The following RNF31 variants were observed in gnomAD, a reference collection of about 807,000 sequenced individuals.
RNF31 encodes the protein ring finger protein 31.
A neutral mutation model predicts 133.6 loss-of-function variants in RNF31; 38 were observed. The observed-to-expected ratio is 0.28, with a 90% CI of 0.22 to 0.37. The LOEUF (loss-of-function observed/expected upper bound fraction) is 0.37. RNF31 is among the 10% of genes least tolerant of loss of function. The pLI is 1.00. For synonymous variants in RNF31, 582 were observed against 552.3 expected, an observed-to-expected ratio of 1.05 and a Z score of -0.75; for missense variants, 1,118 against 1,394.1, an observed-to-expected ratio of 0.80 and a Z score of 3.15.
intron 11 of RNF31, 55 bp downstream of exon 11, chr14:24,152,047 C>G: frequency 6.6e-7 from 1 of 1,511,202 alleles, no homozygotes; most frequent in Non-Finnish European, 9.0e-7. Context: ...TTTTGGACCC[C>G]CATCCTACCC....
At position 24,151,345 on chromosome 14, in the gene RNF31, C is replaced by T. The variant is rs766172056; in HGVS notation, c.1703C>T (p.Ala568Val). 4.3e-6 allele frequency: 7 copies of T among 1,614,078 alleles called. No individual in the cohort carries two copies. Among genetic ancestry groups the T allele is most frequent in the Non-Finnish European group, 5.9e-6 (7 of 1,180,052 alleles). ...WLDRHGNLDE[A>V]VEECVRTRRR... ...GATCGTCATGGCAACCTTGATGAAG[C>T]TGTGGAGGAGTGTGTGAGGACCAGG... The change falls in exon 9 of 21, where the codon GCT (alanine) becomes GTT (valine). Residue 568 changes from alanine to valine, a missense_variant. Around this residue, in one of 3 missense-constraint regions of RNF31, gnomAD observed 747 missense variants for 827.9 expected, o/e 0.90. Transcript: ENST00000324103. This position sits in a 1 kb window ranked among gnomAD's most constrained non-coding sequence, Gnocchi z 5.3.
chr14:24,152,080 C>A, intron 11 of RNF31, 88 bp downstream of exon 11: 1 of 1,350,082 alleles, frequency 7.4e-7, no homozygotes, highest in Non-Finnish European at 1.0e-6. Context: ...CTGATCCTGT[C>A]TTCTGCTCTT....
chr14:24,150,558 A>G, intron 7 of RNF31, 40 bp from the exon 8 acceptor site: 1 of 1,588,052 alleles, frequency 6.3e-7, no homozygotes, highest in Non-Finnish European at 8.6e-7. Flanking sequence ...TGTGAACTTC[A>G]GCCAGCCAGT....
intron 11 of RNF31, among the ~76,000 whole-genome samples, chr14:24,153,172 T>C (rs2038294149): frequency 1.3e-5 from 2 of 152,104 alleles, no homozygotes; most frequent in Non-Finnish European, 2.9e-5. Flanking sequence ...TTGCTGGGCA[T>C]GATGCCTCAT....
Position 24,151,229 on chromosome 14 carries a change from C to G in RNF31, c.1587C>G (p.Pro529=), listed in dbSNP as rs2038261216. ...TGCAGTGGTTGCGCTCAGAACTGCC[C>G]TACGTCCTGGAGATGGTGGCTGAGC... The part of the protein sequence containing the change: ...VPLQWLRSEL[P]YVLEMVAELA... The change falls in exon 9 of 21, where the codon CCC becomes CCG. Residue 529 remains proline, a synonymous_variant. Transcript: ENST00000324103. This position sits in a 1 kb window ranked among gnomAD's most constrained non-coding sequence, Gnocchi z 5.3. 1.2e-6 allele frequency: 2 copies of G among 1,614,070 alleles called. No individual in the cohort carries two copies. Among genetic ancestry groups the G allele is most frequent in the Non-Finnish European group, 1.7e-6 (2 of 1,180,052 alleles).
rs746681021 is a variant in RNF31 at position 24,151,098 on chromosome 14, G to T, written c.1489-33G>T. ...AGTTCAGGCTGAGGGTGGGTGAAGG[G>T]TGCCCCTCCTGATGGGCGGGACTGT... is the stretch of plus-strand genomic sequence containing the variant. On this transcript the variant is annotated intron_variant, in intron 8 of 20. Transcript: ENST00000324103. The surrounding 1 kb of genome is among the most constrained non-coding windows in gnomAD (Gnocchi z 5.3). The T allele has an allele frequency of 7.5e-6, 12 of 1,609,502 alleles. No individual in the cohort carries two copies. The East Asian group carries it at 2.2e-4, about 30-fold the overall frequency.
At chr14:24,148,937 C>G in intron 5 of RNF31, 61 bp downstream of exon 5, 4 of 1,317,802 alleles carry the variant, frequency 3.0e-6, no homozygotes, top group Non-Finnish European at 4.4e-6. Flanking sequence ...ATTTGGGATG[C>G]TCCTCTGTCT....
At position 24,148,812 on chromosome 14, in the gene RNF31, T is replaced by C; in HGVS notation, c.567T>C (p.Leu189=). ...CCTTTCTTTTTCAGATGCTGCAGCT[T>C]TCAGAATTTGACCCCCTATTGAGAG... ...EDKVEDDMLQ[L]SEFDPLLREI... The change falls in exon 5 of 21, where the codon CTT becomes CTC. Residue 189 remains leucine (L), a synonymous_variant. Transcript: ENST00000324103. 3 of 1,614,176 alleles carry C rather than the reference T, an allele frequency of 1.9e-6. No individual in the cohort carries two copies. Among genetic ancestry groups the C allele is most frequent in the Non-Finnish European group, 2.5e-6 (3 of 1,180,024 alleles).
At chr14:24,157,719 C>T (rs985525596) in intron 16 of RNF31, 81 bp downstream of exon 16, 1 of 1,297,364 alleles carries the variant, frequency 7.7e-7, no homozygotes, top group African/African-American at 1.5e-5. Context: ...TGAGGAGTGG[C>T]CCCGGGGAAG....
chr14:24,148,452 G>A (rs1437212783), intron 3 of RNF31, 39 bp downstream of exon 3: 1 of 1,613,434 alleles, frequency 6.2e-7, no homozygotes, highest in African/African-American at 1.3e-5. Flanking sequence ...TTATGCACCA[G>A]GGCTGGGGAG....
Position 24,157,305 on chromosome 14 carries a change from C to A in RNF31, c.2509C>A (p.Arg837=). 6.2e-7 allele frequency: 1 copy of A among 1,608,286 alleles called. No individual in the cohort carries two copies. Among genetic ancestry groups the A allele is most frequent in the Non-Finnish European group, 8.5e-7 (1 of 1,175,640 alleles). The change falls in exon 15 of 21, where the codon CGA becomes AGA. Residue 837 remains arginine, a synonymous_variant. Transcript: ENST00000324103. The stretch of plus-strand genomic sequence containing the variant: ...CCTCTGGCAGTGGGAGGAGCAGCAC[C>A]GAGGTCGGAGCTGTGAGGACTTCCA... ...RCKRQWEEQH[R]GRSCEDFQNW...
intron 17 of RNF31, 53 bp downstream of exon 17, chr14:24,158,064 A>T: frequency 6.2e-7 from 1 of 1,610,610 alleles, no homozygotes; most frequent in African/African-American, 1.3e-5. Context: ...GCAAGAATGG[A>T]AAAGGCTCCG....
In RNF31 at chr14:24,151,141, C is replaced by T; in HGVS notation, c.1499C>T (p.Ala500Val). ...QLVSMIREGE[A>V]AGACPEEIFS... ...GGGACTGTGCCTTAGGAAGGGGAAGCCGCAGGTGCCTGTCCAGAGGAGATC... is the reference window on the plus strand; with the variant it reads ...GGGACTGTGCCTTAGGAAGGGGAAGTCGCAGGTGCCTGTCCAGAGGAGATC... The change falls in exon 9 of 21, where the codon GCC becomes GTC. Residue 500 changes from alanine to valine, a missense_variant. By Grantham distance (64) the Ala-to-Val change is moderately conservative (BLOSUM62 0). Around this residue, in one of 3 missense-constraint regions of RNF31, gnomAD observed 747 missense variants for 827.9 expected, o/e 0.90. Coordinates refer to ENST00000324103, the MANE Select transcript of RNF31 (RefSeq NM_017999.5). The surrounding 1 kb of genome is among the most constrained non-coding windows in gnomAD (Gnocchi z 5.3). 4.3e-6 allele frequency: 7 copies of T among 1,613,846 alleles called. No homozygotes were observed. The highest frequency in any genetic ancestry group is 5.9e-6 in the Non-Finnish European group (7 of 1,179,936).
Position 24,147,750 on chromosome 14 carries a change from G to C in RNF31, c.52G>C (p.Ala18Pro). The part of the protein sequence containing the change: ...RAFLVAREEL[A>P]SALRRDSGQA... The stretch of plus-strand genomic sequence containing the variant: ...CTTCCTGGTGGCCCGCGAGGAGCTG[G>C]CGAGCGCCCTGAGGAGGGATTCCGG... Residue 18 changes from alanine (A) to proline (P), a missense_variant, in exon 1 of 21, where the codon GCG (alanine) becomes CCG (proline). Ala to Pro is a conservative substitution (Grantham distance 27, BLOSUM62 -1). Around this residue, in one of 3 missense-constraint regions of RNF31, gnomAD observed 747 missense variants for 827.9 expected, o/e 0.90. Transcript: ENST00000324103. The C allele has an allele frequency of 1.3e-6, 2 of 1,565,032 alleles. No individual in the cohort carries two copies. The highest frequency in any genetic ancestry group is 1.7e-6 in the Non-Finnish European group (2 of 1,159,550).
At chr14:24,158,368 C>T (rs2139092368) in intron 18 of RNF31, among the ~76,000 whole-genome samples, 169 bp downstream of exon 18, 1 of 152,348 alleles carries the variant, frequency 6.6e-6, no homozygotes, top group Non-Finnish European at 1.5e-5. Context: ...GTAGTATCCA[C>T]CTTGCAGCTA....
chr14:24,147,536 C>G lies in RNF31; in HGVS notation c.-163C>G, dbSNP rs190240311. 1.3e-5 allele frequency: 7 copies of G among 531,654 alleles called. No homozygotes were observed. The highest frequency in any genetic ancestry group is 2.1e-5 in the Non-Finnish European group (7 of 331,862). 32.9% of individuals were successfully genotyped at this position (531,654 alleles called of 1,614,324 possible). A position where few individuals can be genotyped will look rare whatever the true frequency, so the allele number is the denominator to read the frequency against. ...TTCTCGGCTAACCCTGGCGCTGGGCCGGGGGCTGGAGAGTGACCGTGGTCT... is the reference window on the plus strand; with the variant it reads ...TTCTCGGCTAACCCTGGCGCTGGGCGGGGGGCTGGAGAGTGACCGTGGTCT... On this transcript the variant is annotated 5_prime_UTR_variant, in exon 1 of 21. Coordinates refer to ENST00000324103, the MANE Select transcript of RNF31 (RefSeq NM_017999.5).
In RNF31 at chr14:24,151,658, G is replaced by T. The variant is rs187060127; in HGVS notation, c.1911G>T (p.Gly637=). 1.0e-4 allele frequency: 169 copies of T among 1,611,086 alleles called. No individual in the cohort carries two copies. The East Asian group carries it at 3.0e-3, about 29-fold the overall frequency. ...CTGAGCCCACCCCTTCCTGGGATGG[G>T]CCAGACAAGCAGGTGCTGGGAGGAG... ...SGPEPTPSWD[G]PDKQSLVRRL... The change falls in exon 10 of 21, where the codon GGG becomes GGT. Residue 637 remains glycine, a synonymous_variant. Transcript: ENST00000324103. The surrounding 1 kb of genome is among the most constrained non-coding windows in gnomAD (Gnocchi z 5.3).
chr14:24,148,434 T>A (rs372747409), intron 3 of RNF31, 21 bp downstream of exon 3: 2 of 1,613,802 alleles, frequency 1.2e-6, no homozygotes, highest in Non-Finnish European at 1.7e-6. Context: ...CCTCTAGTCT[T>A]GATGGACTTA....
chr14:24,157,812 C>A, intron 16 of RNF31, 86 bp from the exon 17 acceptor site: 1 of 1,205,892 alleles, frequency 8.3e-7, no homozygotes, highest in East Asian at 2.3e-5. Flanking sequence ...TCTCCCCTCA[C>A]CCTTACACCC....
Sources: gnomAD v4.1 joint callset for allele counts (sites outside exome capture counted in the v4.1 genomes callset) on GRCh38, gnomAD v4.1.1 for gene constraint, gnomAD v4.1.1 regional missense constraint, Gnocchi (gnomAD v3.1) non-coding constraint, MANE v1.5 for transcripts, NCBI Gene and HGNC (gene_info 2026-07-23, HGNC 2026-07-21) for gene names.